STEAP1B: variants seen among roughly 807,000 people sequenced by gnomAD.
STEAP1B encodes the protein STEAP family member 1B, also known as STEAP family protein MGC87042.
STEAP1B carries 13 observed loss-of-function variants against 27.9 expected under a neutral mutation model. The observed-to-expected ratio is 0.47, with a 90% confidence interval of 0.30 to 0.74. The LOEUF is 0.74. STEAP1B is among the 30% of genes least tolerant of loss of function. STEAP1B has a pLI of 0.06. For synonymous variants in STEAP1B, 86 were observed against 107.1 expected (o/e 0.80, Z 1.22); for missense variants, 250 against 298.7 (o/e 0.84, Z 1.20).
At chr7:22,477,937 C>CA (rs1447090950) in intron 4 of STEAP1B, among the ~76,000 whole-genome samples, 1 of 152,090 alleles carries the variant, frequency 6.6e-6, no homozygotes, top group African/African-American at 2.4e-5. Context: ...CCTTGTAACT[C>CA]AAAAAACATA....
chr7:22,443,712 A>G (rs1038499865), intron 4 of STEAP1B, among the ~76,000 whole-genome samples: 4 of 152,218 alleles, frequency 2.6e-5, no homozygotes, highest in African/African-American at 9.6e-5. Context: ...GCAGGACAAC[A>G]GCACAGCATT....
intron 4 of STEAP1B, among the ~76,000 whole-genome samples, chr7:22,490,180 T>C (rs1438070946): frequency 6.6e-6 from 1 of 150,598 alleles, no homozygotes; most frequent in African/African-American, 2.4e-5. Flanking sequence ...TAGAAAACTT[T>C]TTTTTAAAAA....
intron 4 of STEAP1B, among the ~76,000 whole-genome samples, chr7:22,430,037 A>G (rs772830436): frequency 4.6e-5 from 7 of 152,240 alleles, no homozygotes; most frequent in Non-Finnish European, 7.3e-5. Context: ...CTGACCCACT[A>G]GCATCTTCAA....
intron 4 of STEAP1B, among the ~76,000 whole-genome samples, chr7:22,465,117 C>A (rs577782722): frequency 6.6e-6 from 1 of 151,416 alleles, no homozygotes; most frequent in South Asian, 2.1e-4. Context: ...CATTTGATCA[C>A]CCAGACGGCT....
intron 4 of STEAP1B, among the ~76,000 whole-genome samples, chr7:22,483,894 A>G (rs534993329): frequency 2.6e-5 from 4 of 152,230 alleles, no homozygotes; most frequent in Non-Finnish European, 5.9e-5. Context: ...CAATAGTAAC[A>G]AAGATCACTC....
chr7:22,486,106 T>C (rs552305741), intron 4 of STEAP1B, among the ~76,000 whole-genome samples: 1 of 152,306 alleles, frequency 6.6e-6, no homozygotes, highest in Non-Finnish European at 1.5e-5. Context: ...TCAGACCAAT[T>C]ACAGCAGAAT....
chr7:22,487,570 G>GT (rs1203239770), intron 4 of STEAP1B, among the ~76,000 whole-genome samples: 1 of 131,740 alleles, frequency 7.6e-6, no homozygotes, highest in African/African-American at 2.8e-5. Flanking sequence ...GATGGCGGGG[G>GT]CGGGGGGGTG....
intron 4 of STEAP1B, among the ~76,000 whole-genome samples, chr7:22,422,422 A>T (rs552918314): frequency 6.6e-6 from 1 of 152,246 alleles, no homozygotes; most frequent in African/African-American, 2.4e-5. Flanking sequence ...TAGTTCCCCA[A>T]ATAGCTTGAG....
intron 4 of STEAP1B, among the ~76,000 whole-genome samples, chr7:22,433,887 G>T (rs539004996): frequency 6.6e-6 from 1 of 152,148 alleles, no homozygotes; most frequent in Non-Finnish European, 1.5e-5. Flanking sequence ...CACCGATCAC[G>T]TTCTCCTTTG....
Position 22,467,638 on chromosome 7 carries a change from TA to T in STEAP1B, c.762+24926del, listed in dbSNP as rs576224233. ...AGTCTCTCAAGATCTGATCATTTTA[TA>T]AGGGGAAACCCCTTTTGCTTGGATC... On this transcript the variant is annotated intron_variant, in intron 4 of 4. Transcript: ENST00000678116. 7.9e-4 allele frequency among the ~76,000 whole-genome samples: 120 copies of T among 152,318 alleles called. 2 individuals carry two copies. The South Asian group carries it at 0.019, about 24-fold the overall frequency.
At chr7:22,472,570 A>G (rs1785903587) in intron 4 of STEAP1B, among the ~76,000 whole-genome samples, 1 of 152,220 alleles carries the variant, frequency 6.6e-6, no homozygotes, top group Admixed American at 6.5e-5. Flanking sequence ...TCAACATTGA[A>G]TCTAACCATA....
At chr7:22,419,870 T>C (rs1043036138) in intron 4 of STEAP1B, 34 bp from the exon 5 acceptor site, 11 of 1,544,594 alleles carry the variant, frequency 7.1e-6, no homozygotes, top group East Asian at 2.5e-5. Flanking sequence ...AGTTGATGTA[T>C]AGAAGTAGTG....
chr7:22,491,577 A>G (rs2128417229), intron 4 of STEAP1B, among the ~76,000 whole-genome samples: 1 of 152,318 alleles, frequency 6.6e-6, no homozygotes, highest in East Asian at 1.9e-4. Context: ...AGAGGAAAGA[A>G]GAGAGAAAAA....
At chr7:22,419,875 G>A in intron 4 of STEAP1B, 39 bp from the exon 5 acceptor site, 2 of 1,542,050 alleles carry the variant, frequency 1.3e-6, no homozygotes, top group Non-Finnish European at 1.8e-6. Context: ...ATGTATAGAA[G>A]TAGTGACTAT....
chr7:22,455,030 C>G (rs913524563), intron 4 of STEAP1B, among the ~76,000 whole-genome samples: 3 of 151,558 alleles, frequency 2.0e-5, no homozygotes, highest in Admixed American at 6.6e-5. Flanking sequence ...ACCCAGCTAC[C>G]CTTTTTGTAT....
At chr7:22,420,972 T>G (rs945069679) in intron 4 of STEAP1B, among the ~76,000 whole-genome samples, 1 of 152,214 alleles carries the variant, frequency 6.6e-6, no homozygotes, top group Non-Finnish European at 1.5e-5. Flanking sequence ...ACATGTGTAC[T>G]TGTAACCACA....
At chr7:22,496,544 A>AT (rs953351338) in intron 1 of STEAP1B, among the ~76,000 whole-genome samples, 19 of 152,060 alleles carry the variant, frequency 1.2e-4, no homozygotes, top group African/African-American at 2.9e-4. Flanking sequence ...CAAATATACA[A>AT]TTTTTTATCT....
intron 4 of STEAP1B, among the ~76,000 whole-genome samples, chr7:22,465,287 A>T (rs531738086): frequency 9.9e-5 from 15 of 152,232 alleles, no homozygotes; most frequent in Admixed American, 2.0e-4. Flanking sequence ...TTTTCCATGT[A>T]ATATTTTCAG....
At chr7:22,421,756 C>T (rs932937793) in intron 4 of STEAP1B, among the ~76,000 whole-genome samples, 50 of 152,192 alleles carry the variant, frequency 3.3e-4, no homozygotes, top group Admixed American at 1.3e-4. Context: ...ATTCAGAAGG[C>T]GGCTACCCAC....
Sources: gnomAD v4.1 joint callset for allele counts (sites outside exome capture counted in the v4.1 genomes callset) on GRCh38, gnomAD v4.1.1 for gene constraint, MANE v1.5 for transcripts, NCBI Gene and HGNC (gene_info 2026-07-23, HGNC 2026-07-21) for gene names.